Variants in FMN2 observed in about 807,000 individuals in gnomAD.
FMN2 encodes formin-2.
Under a neutral mutation model 142.3 loss-of-function variants are expected in FMN2, and 51 were observed. The ratio of observed to expected loss-of-function variants is 0.36; its 90% CI spans 0.29 to 0.45. FMN2 has a LOEUF of 0.45. FMN2 is among the 20% of genes least tolerant of loss of function. The pLI is 1.00. For missense variants in FMN2, 1,936 were observed against 2,122.8 expected, an observed-to-expected ratio of 0.91 and a Z score of 1.73; for synonymous variants, 882 against 869.8, an observed-to-expected ratio of 1.01 and a Z score of -0.25.
In FMN2 at chr1:240,130,469, A is replaced by C. The variant is rs899712009; in HGVS notation, c.1782+7124A>C. 5.6e-4 allele frequency among the ~76,000 whole-genome samples: 85 copies of C among 152,006 alleles called. 1 individual carries two copies. The highest frequency in any genetic ancestry group is 3.7e-4 in the Non-Finnish European group (25 of 67,998). On this transcript the variant is annotated intron_variant, in intron 2 of 17. Transcript: ENST00000319653. Reference sequence around the variant, plus strand: ...AGGTGGATGCTACCACGCCCGGCTAATTTTTTGTATTTTTAGTAGAAACAG... The same window carrying C: ...AGGTGGATGCTACCACGCCCGGCTACTTTTTTGTATTTTTAGTAGAAACAG...
intron 13 of FMN2, among the ~76,000 whole-genome samples, chr1:240,346,336 C>T (rs1671906601): frequency 6.6e-6 from 1 of 151,688 alleles, no homozygotes; most frequent in Non-Finnish European, 1.5e-5. Flanking sequence ...ATGTTGTATA[C>T]AAATATTATT....
chr1:240,220,788 A>T (rs1667080966), intron 6 of FMN2, among the ~76,000 whole-genome samples: 1 of 152,096 alleles, frequency 6.6e-6, no homozygotes, highest in Admixed American at 6.6e-5. Flanking sequence ...ACATAGGTAT[A>T]CACGTGCCAT....
intron 7 of FMN2, among the ~76,000 whole-genome samples, chr1:240,266,043 A>C (rs1668788422): frequency 6.9e-6 from 1 of 144,744 alleles, no homozygotes; most frequent in Non-Finnish European, 1.5e-5. Flanking sequence ...TTAATAAATC[A>C]ACTATTATTT....
intron 7 of FMN2, among the ~76,000 whole-genome samples, chr1:240,279,088 C>T (rs1307812369): frequency 6.6e-6 from 1 of 152,092 alleles, no homozygotes; most frequent in African/African-American, 2.4e-5. Flanking sequence ...ATGATGGACA[C>T]GTCAGTGCTG....
At chr1:240,447,756 G>A (rs1353037039) in intron 16 of FMN2, among the ~76,000 whole-genome samples, 1 of 152,086 alleles carries the variant, frequency 6.6e-6, no homozygotes, top group Non-Finnish European at 1.5e-5. Flanking sequence ...AGTTTCTCTT[G>A]CGGGGGGTAC....
chr1:240,289,503 T>C (rs1006264654), intron 7 of FMN2, among the ~76,000 whole-genome samples: 2 of 151,792 alleles, frequency 1.3e-5, no homozygotes, highest in Non-Finnish European at 2.9e-5. Context: ...CCTTTTTCTC[T>C]ACAAAAAAAT....
At chr1:240,175,987 C>T (rs1664896859) in intron 2 of FMN2, among the ~76,000 whole-genome samples, 2 of 152,226 alleles carry the variant, frequency 1.3e-5, no homozygotes, top group African/African-American at 4.8e-5. Context: ...AATACTTCCT[C>T]CCATTTTGTA....
At chr1:240,138,064 CAAAAAA>C (rs369637580) in intron 2 of FMN2, among the ~76,000 whole-genome samples, 62 of 95,582 alleles carry the variant, frequency 6.5e-4, no homozygotes, top group Middle Eastern at 6.1e-3. Context: ...GACTCCATCT[CAAAAAA>C]AAAAAAAAAA....
At chr1:240,166,988 G>T (rs1233535309) in intron 2 of FMN2, among the ~76,000 whole-genome samples, 1 of 152,144 alleles carries the variant, frequency 6.6e-6, no homozygotes, top group African/African-American at 2.4e-5. Context: ...TGGGTATGGT[G>T]GTGCATGCCT....
chr1:240,449,121 G>A (rs1675920920), intron 16 of FMN2, among the ~76,000 whole-genome samples: 1 of 148,746 alleles, frequency 6.7e-6, no homozygotes, highest in African/African-American at 2.5e-5. Flanking sequence ...TAGCCTAGGT[G>A]AAGAAAGTGA....
At chr1:240,394,923 G>A (rs1040326845) in intron 15 of FMN2, among the ~76,000 whole-genome samples, 4 of 152,116 alleles carry the variant, frequency 2.6e-5, no homozygotes, top group Admixed American at 1.3e-4. Flanking sequence ...AGCTGAGATC[G>A]CGCCACTGCA....
At position 240,365,175 on chromosome 1, in the gene FMN2, G is replaced by A. The variant is rs79854962; in HGVS notation, c.4858+9267G>A. Reference sequence around the variant, plus strand: ...TATACACATATACATACATACATACGTGTGCATATATATACATACATATGT... The same window carrying A: ...TATACACATATACATACATACATACATGTGCATATATATACATACATATGT... On this transcript the variant is annotated intron_variant, in intron 14 of 17. Coordinates refer to ENST00000319653, the MANE Select transcript of FMN2 (RefSeq NM_020066.5). Among the ~76,000 whole-genome samples the A allele has an allele frequency of 1.0e-3, 150 of 145,408 alleles. 1 individual carries two copies. Among genetic ancestry groups the A allele is most frequent in the African/African-American group, 3.8e-3 (141 of 36,710 alleles).
chr1:240,118,669 T>TG (rs1662117725), intron 1 of FMN2, among the ~76,000 whole-genome samples: 1 of 152,104 alleles, frequency 6.6e-6, no homozygotes, highest in East Asian at 1.9e-4. Flanking sequence ...GAGATGGGAA[T>TG]GGGTGGCTGT....
intron 16 of FMN2, among the ~76,000 whole-genome samples, chr1:240,465,148 T>A (rs1676570242): frequency 6.6e-6 from 1 of 152,072 alleles, no homozygotes; most frequent in African/African-American, 2.4e-5. Context: ...CACCTTTAAT[T>A]CCAAAAGACA....
At chr1:240,134,910 T>C (rs1393823434) in intron 2 of FMN2, among the ~76,000 whole-genome samples, 7 of 152,092 alleles carry the variant, frequency 4.6e-5, no homozygotes. Context: ...TAGGGAAAGC[T>C]ACGGGGAGGT....
intron 16 of FMN2, among the ~76,000 whole-genome samples, chr1:240,466,057 C>A (rs1469783598): frequency 6.6e-6 from 1 of 152,084 alleles, no homozygotes; most frequent in Non-Finnish European, 1.5e-5. Context: ...TTTAAAATAA[C>A]CCTTAATGTA....
chr1:240,225,154 T>G lies in FMN2; in HGVS notation c.4065+13919T>G, dbSNP rs112516985. Among the ~76,000 whole-genome samples the G allele has an allele frequency of 1.6e-3, 246 of 152,254 alleles. 2 individuals carry two copies. Among genetic ancestry groups the G allele is most frequent in the African/African-American group, 5.4e-3 (223 of 41,552 alleles). On this transcript the variant is annotated intron_variant, in intron 6 of 17. Coordinates refer to ENST00000319653, the MANE Select transcript of FMN2 (RefSeq NM_020066.5). ...GGGGCAATTCCTAAGAAACGAGGCT[T>G]AAAAATAATATTGCAGTCATCTCTG...
intron 7 of FMN2, among the ~76,000 whole-genome samples, chr1:240,291,435 A>G (rs756820155): frequency 8.5e-5 from 13 of 152,208 alleles, no homozygotes; most frequent in Non-Finnish European, 4.4e-5. Context: ...AGCATCTTAA[A>G]GCAGCAAGGA....
At chr1:240,239,346 T>A (rs1052361101) in intron 6 of FMN2, among the ~76,000 whole-genome samples, 1 of 152,178 alleles carries the variant, frequency 6.6e-6, no homozygotes, top group Non-Finnish European at 1.5e-5. Context: ...ATGCTAAATA[T>A]ATGATCTCTG....
Sources: gnomAD v4.1 joint callset for allele counts (sites outside exome capture counted in the v4.1 genomes callset) on GRCh38, gnomAD v4.1.1 for gene constraint, MANE v1.5 for transcripts, NCBI Gene and HGNC (gene_info 2026-07-23, HGNC 2026-07-21) for gene names.